Variants in HEATR1 observed in about 807,000 individuals in gnomAD.
HEATR1 encodes the protein HEAT repeat-containing protein 1.
HEATR1 carries 77 observed loss-of-function variants against 248.2 expected under a neutral mutation model. That is an observed-to-expected ratio of 0.31 (90% CI 0.26 to 0.37). The LOEUF is 0.37. Ranked by LOEUF, HEATR1 falls within the 10% of genes least tolerant of loss-of-function variation. HEATR1 has a pLI of 1.00. For synonymous variants in HEATR1, 897 were observed against 923.1 expected (o/e 0.97, Z 0.51); for missense variants, 2,420 against 2,504.9 (o/e 0.97, Z 0.72).
chr1:236,555,969 AT>A (rs1662963647), intron 38 of HEATR1, 30 bp from the exon 39 acceptor site: 2 of 1,612,168 alleles, frequency 1.2e-6, no homozygotes, highest in South Asian at 2.2e-5. Flanking sequence ...GAGATGTGCC[AT>A]TTTCAAATGA....
chr1:236,587,067 ATTTGTT>A (rs1349113162), intron 14 of HEATR1, among the ~76,000 whole-genome samples: 1 of 152,152 alleles, frequency 6.6e-6, no homozygotes, highest in Admixed American at 6.5e-5. Context: ...ACACATTGGT[ATTTGTT>A]TTTAATTATA....
chr1:236,603,826 C>T (rs1220098763), intron 2 of HEATR1, 128 bp downstream of exon 2: 2 of 981,772 alleles, frequency 2.0e-6, no homozygotes, highest in African/African-American at 1.7e-5. Context: ...TAAAAATATA[C>T]ATCAACATGC....
chr1:236,562,648 A>C (rs149773854), intron 32 of HEATR1, among the ~76,000 whole-genome samples: 9 of 152,212 alleles, frequency 5.9e-5, no homozygotes, highest in Admixed American at 4.6e-4. Flanking sequence ...CAATGTATCA[A>C]TATCATTTCT....
Position 236,591,544 on chromosome 1 carries a change from T to C in HEATR1, c.1422+449A>G, listed in dbSNP as rs532544010. Among the ~76,000 whole-genome samples, 7 of 152,296 alleles carry C rather than the reference T, an allele frequency of 4.6e-5. No individual in the cohort carries two copies. The South Asian group carries it at 1.5e-3, about 32-fold the overall frequency. Reference sequence around the variant, plus strand: ...AAATGTCTAACCTCTAGTATAAAGCTTTAGGCTTGAATCACCAGAAAATTT... The same window carrying C: ...AAATGTCTAACCTCTAGTATAAAGCCTTAGGCTTGAATCACCAGAAAATTT... On this transcript the variant is annotated intron_variant, in intron 11 of 44. Transcript: ENST00000366582.
At chr1:236,559,670 A>G in intron 34 of HEATR1, 44 bp downstream of exon 34, 1 of 1,553,556 alleles carries the variant, frequency 6.4e-7, no homozygotes, top group South Asian at 1.2e-5. Context: ...ATAATTTAAA[A>G]AACAGCAACA....
At chr1:236,557,403 G>A in intron 36 of HEATR1, 58 bp from the exon 37 acceptor site, 1 of 1,563,692 alleles carries the variant, frequency 6.4e-7, no homozygotes, top group East Asian at 2.3e-5. Flanking sequence ...GCTAGGGAAT[G>A]GAGTAGAGGG....
rs745709291 is a variant in HEATR1, at chr1:236,581,325, A to G, written c.2652T>C (p.Ser884=). The G allele has an allele frequency of 9.9e-6, 16 of 1,612,656 alleles. 1 individual carries two copies. The Admixed American group carries it at 2.3e-4, about 24-fold the overall frequency. ...CTTGAGTCTGCAGCACTGTTTTCACACTGCAGTTTAGTGGATTTGAAAGGC... is the reference window on the plus strand; with the variant it reads ...CTTGAGTCTGCAGCACTGTTTTCACGCTGCAGTTTAGTGGATTTGAAAGGC... ...GSSLSNPLNC[S]VKTVLQTQAL... is the part of the protein sequence containing the mutation. Residue 884 remains serine, a synonymous_variant, in exon 20 of 45, where the codon AGT becomes AGC. Coordinates refer to ENST00000366582, the MANE Select transcript of HEATR1 (RefSeq NM_018072.6).
chr1:236,572,149 G>A (rs1002364983), intron 26 of HEATR1, among the ~76,000 whole-genome samples: 2 of 152,134 alleles, frequency 1.3e-5, no homozygotes, highest in East Asian at 1.9e-4. Flanking sequence ...AAGTAATGAC[G>A]TCCCAGGCAC....
rs1325163516 is a variant in HEATR1, at chr1:236,583,138, A to G, written c.2300T>C (p.Leu767Pro). The G allele has an allele frequency of 6.2e-7, 1 of 1,614,096 alleles. No homozygotes were observed. The highest frequency in any genetic ancestry group is 8.5e-7 in the Non-Finnish European group (1 of 1,179,974). The change falls in exon 18 of 45, where the codon CTG becomes CCG. Residue 767 changes from leucine to proline, a missense_variant. Leu to Pro is a moderately conservative substitution (Grantham distance 98). Coordinates refer to ENST00000366582, the MANE Select transcript of HEATR1 (RefSeq NM_018072.6). ...GAGCTCTTCTACATAATGTGCCCAC[A>G]GCTCCACTGGGATCCCTCTGTCTAA... ...LMLDRGIPVE[L>P]WAHYVEELNS...
intron 6 of HEATR1, 74 bp downstream of exon 6, chr1:236,596,762 C>A: frequency 7.1e-7 from 1 of 1,404,598 alleles, no homozygotes; most frequent in Non-Finnish European, 9.6e-7. Flanking sequence ...ACACTTAAAT[C>A]TAAAAAAACT....
At chr1:236,568,626 C>T (rs1663335654) in intron 29 of HEATR1, among the ~76,000 whole-genome samples, 1 of 152,080 alleles carries the variant, frequency 6.6e-6, no homozygotes, top group Admixed American at 6.6e-5. Flanking sequence ...AAGTTCCTAG[C>T]CTCATCAACA....
intron 19 of HEATR1, among the ~76,000 whole-genome samples, chr1:236,582,129 G>C (rs951894983): frequency 6.6e-6 from 1 of 151,932 alleles, no homozygotes; most frequent in East Asian, 1.9e-4. Context: ...TTTTGAGATG[G>C]AGTCTCGCTC....
intron 22 of HEATR1, among the ~76,000 whole-genome samples, chr1:236,575,261 T>C (rs780225794): frequency 1.3e-5 from 2 of 152,226 alleles, no homozygotes; most frequent in Non-Finnish European, 2.9e-5. Flanking sequence ...GTTTCCAACT[T>C]GGTATAATTA....
chr1:236,586,428 A>G lies in HEATR1; in HGVS notation c.1740T>C (p.Ala580=), dbSNP rs1241249478. Residue 580 remains alanine (A), a synonymous_variant, in exon 15 of 45, where the codon GCT becomes GCC. Coordinates refer to ENST00000366582, the MANE Select transcript of HEATR1 (RefSeq NM_018072.6). Reference sequence around the variant, plus strand: ...GTATCTCTTCTTTAATTAATATGTCAGCGGCTATCTTAAGTACCTCGTACC... The same window carrying G: ...GTATCTCTTCTTTAATTAATATGTCGGCGGCTATCTTAAGTACCTCGTACC... ...GEWYEVLKIA[A]DILIKEEILS... is the part of the protein sequence containing the mutation. 6.2e-7 allele frequency: 1 copy of G among 1,612,576 alleles called. No individual in the cohort carries two copies. The highest frequency in any genetic ancestry group is 1.7e-5 in the Admixed American group (1 of 59,996).
chr1:236,587,540 T>C (rs1010206904), intron 13 of HEATR1, 50 bp from the exon 14 acceptor site: 16 of 809,516 alleles, frequency 2.0e-5, no homozygotes, highest in East Asian at 2.9e-5. Flanking sequence ...TTCAAACATG[T>C]ATGGCGCTTT....
intron 8 of HEATR1, 90 bp downstream of exon 8, chr1:236,595,450 A>T: frequency 9.6e-7 from 1 of 1,041,096 alleles, no homozygotes; most frequent in Non-Finnish European, 1.3e-6. Context: ...CAGAAATTTT[A>T]AATATTTTGA....
intron 12 of HEATR1, 84 bp from the exon 13 acceptor site, chr1:236,588,127 G>A: frequency 2.1e-6 from 2 of 964,650 alleles, no homozygotes; most frequent in Non-Finnish European, 3.2e-6. Flanking sequence ...ATGGTTTTGT[G>A]AAAAACACTC....
intron 21 of HEATR1, 145 bp downstream of exon 21, chr1:236,576,635 G>T: frequency 1.4e-6 from 1 of 734,328 alleles, no homozygotes; most frequent in Non-Finnish European, 2.2e-6. Context: ...GGGGGACACA[G>T]ATGTACAGAT....
chr1:236,574,052 CCTCT>C (rs1270598461), intron 24 of HEATR1, 146 bp downstream of exon 24: 3 of 548,284 alleles, frequency 5.5e-6, no homozygotes, highest in South Asian at 5.3e-5. Flanking sequence ...TTATTTTATG[CCTCT>C]CTCTGACTTA....
Sources: gnomAD v4.1 joint callset for allele counts (sites outside exome capture counted in the v4.1 genomes callset) on GRCh38, gnomAD v4.1.1 for gene constraint, MANE v1.5 for transcripts, NCBI Gene and HGNC (gene_info 2026-07-23, HGNC 2026-07-21) for gene names.